C4orf50: variants seen among roughly 807,000 people sequenced by gnomAD.
C4orf50 encodes the protein uncharacterized protein C4orf50.
A neutral mutation model predicts 77.2 loss-of-function variants in C4orf50; 80 were observed. The ratio of observed to expected loss-of-function variants is 1.04; its 90% confidence interval spans 0.87 to 1.25. The LOEUF (loss-of-function observed/expected upper bound fraction) is 1.25, where lower values mean the gene tolerates loss of function less well. Ranked by LOEUF, C4orf50 falls within the 50% of genes most tolerant of loss-of-function variation. C4orf50 has a pLI of 0.00. For synonymous variants in C4orf50, 532 were observed against 465.3 expected, an observed-to-expected ratio of 1.14 and a Z score of -1.84; for missense variants, 1,257 against 1,152.9, an observed-to-expected ratio of 1.09 and a Z score of -1.31.
At chr4:5,902,555 G>A (rs959820942) in intron 7 of C4orf50, 1 of 152,188 alleles carries the variant, frequency 6.6e-6, no homozygotes, top group Non-Finnish European at 1.5e-5. Flanking sequence ...GCATCTGCTG[G>A]GTGCCAAGCC....
At chr4:5,944,351 G>A (rs1257928938) in intron 7 of C4orf50, among the ~76,000 whole-genome samples, 2 of 152,128 alleles carry the variant, frequency 1.3e-5, no homozygotes, top group African/African-American at 4.8e-5. Flanking sequence ...TCATGACTCT[G>A]TCTCATTCTC....
exon 34 of C4orf50, chr4:5,959,555 G>A (rs758170890): frequency 6.7e-5 from 108 of 1,614,072 alleles, no homozygotes; most frequent in Non-Finnish European, 3.4e-5. Flanking sequence ...GTTGTGCGGG[G>A]AGACCTGGTT....
chr4:6,005,051 C>A (rs1227162807), intron 25 of C4orf50, among the ~76,000 whole-genome samples: 1 of 152,136 alleles, frequency 6.6e-6, no homozygotes, highest in Non-Finnish European at 1.5e-5. Flanking sequence ...TAGGAACCTG[C>A]CTGAAAGCAT....
chr4:5,956,385 CT>C (rs1309632620), downstream of C4orf50, among the ~76,000 whole-genome samples: 1 of 152,234 alleles, frequency 6.6e-6, no homozygotes, highest in Non-Finnish European at 1.5e-5. Flanking sequence ...TCCACGGCCC[CT>C]GGGCCTTGTG....
At chr4:5,967,613 A>C in intron 31 of C4orf50, 151 bp from the exon 10 acceptor site, 1 of 660,474 alleles carries the variant, frequency 1.5e-6, no homozygotes, top group Non-Finnish European at 2.8e-6. Context: ...GTGCATGAAG[A>C]CCTCCCTCCT....
At chr4:5,959,449 A>C (rs1199194561) in exon 34 of C4orf50, 2 of 1,614,204 alleles carry the variant, frequency 1.2e-6, no homozygotes, top group East Asian at 2.2e-5. Context: ...TCTTGGTGAA[A>C]AGCCAGGATC....
intron 7 of C4orf50, among the ~76,000 whole-genome samples, chr4:5,910,426 C>T (rs1260901930): frequency 6.6e-6 from 1 of 152,148 alleles, no homozygotes; most frequent in African/African-American, 2.4e-5. Flanking sequence ...CATCTGGTCA[C>T]TAATTTTTAT....
In C4orf50 at chr4:5,907,233, T is replaced by C. The variant is rs557254679; in HGVS notation, c.*2475-9045A>G. Among the ~76,000 whole-genome samples, 4 of 152,344 alleles carry C rather than the reference T, an allele frequency of 2.6e-5. No homozygotes were observed. In the South Asian group the frequency reaches 8.3e-4, roughly 32 times the overall value. Reference sequence around the variant, plus strand: ...TCCCTACATTATACATGATAACATATAGATACTGCATTCACCAATAAGTTA... The same window carrying C: ...TCCCTACATTATACATGATAACATACAGATACTGCATTCACCAATAAGTTA... On this transcript the variant is annotated intron_variant, in intron 7 of 7. Coordinates refer to the C4orf50 transcript ENST00000324058.
rs772591090 is a variant in C4orf50 at position 5,900,678 on chromosome 4, G to A, written c.*2475-2490C>T. The A allele has an allele frequency of 3.9e-5, 6 of 152,230 alleles. No homozygotes were observed. The highest frequency in any genetic ancestry group is 8.8e-5 in the Non-Finnish European group (6 of 68,030). The allele number at this position is 152,230 out of a possible 1,614,324, so 9.4% of individuals were successfully genotyped here. On this transcript the variant is annotated intron_variant, in intron 7 of 7. Transcript: ENST00000324058. The surrounding 1 kb of genome is among the most constrained non-coding windows in gnomAD (Gnocchi z 4.3). ...TACTGCATAATGACATCCGAACCACGTTCAGTCCCATTTGCAGTCAAGTGG... is the reference window on the plus strand; with the variant it reads ...TACTGCATAATGACATCCGAACCACATTCAGTCCCATTTGCAGTCAAGTGG...
intron 7 of C4orf50, among the ~76,000 whole-genome samples, chr4:5,941,716 C>T (rs1275505244): frequency 1.3e-5 from 2 of 152,180 alleles, no homozygotes; most frequent in Non-Finnish European, 2.9e-5. Flanking sequence ...TCCTATTTTC[C>T]TCACTGCAGC....
At chr4:5,968,538 A>G (rs557119395) in intron 31 of C4orf50, among the ~76,000 whole-genome samples, 1 of 152,242 alleles carries the variant, frequency 6.6e-6, no homozygotes, top group South Asian at 2.1e-4. Context: ...TGTGTCTTCA[A>G]GTACCCTGGA....
At chr4:6,010,950 T>A (rs1722471542) in intron 24 of C4orf50, among the ~76,000 whole-genome samples, 1 of 152,218 alleles carries the variant, frequency 6.6e-6, no homozygotes, top group Non-Finnish European at 1.5e-5. Flanking sequence ...TCATTCCCAC[T>A]TCACAGATGA....
rs1253211543 is a variant in C4orf50 at position 5,932,696 on chromosome 4, C to T, written c.*2474+24205G>A. Among the ~76,000 whole-genome samples the T allele has an allele frequency of 6.6e-6, 1 of 152,180 alleles. No homozygotes were observed. Among genetic ancestry groups the T allele is most frequent in the African/African-American group, 2.4e-5 (1 of 41,444 alleles). The stretch of plus-strand genomic sequence containing the variant: ...GGCTCAGGCAATTCTCTTACCTCAG[C>T]CTCCCAAAGTGCTGAGATAACAGGT... On this transcript the variant is annotated intron_variant, in intron 7 of 7. Coordinates refer to the C4orf50 transcript ENST00000324058. The surrounding 1 kb of genome is among the most constrained non-coding windows in gnomAD (Gnocchi z 4.2).
At chr4:6,010,764 T>A (rs533706724) in intron 24 of C4orf50, among the ~76,000 whole-genome samples, 1 of 152,352 alleles carries the variant, frequency 6.6e-6, no homozygotes, top group Admixed American at 6.5e-5. Flanking sequence ...GGGTTTTGCC[T>A]CTGCAGCCTT....
At chr4:5,978,803 T>C (rs1720417746) in intron 29 of C4orf50, among the ~76,000 whole-genome samples, 3 of 152,218 alleles carry the variant, frequency 2.0e-5, no homozygotes, top group African/African-American at 4.8e-5. Context: ...GATGCAACAA[T>C]TGGGGAATAG....
At position 5,970,772 on chromosome 4, in the gene C4orf50, T is replaced by A. The variant is rs1397933636; in HGVS notation, c.4104+2887A>T. 6.6e-6 allele frequency among the ~76,000 whole-genome samples: 1 copy of A among 152,160 alleles called. No individual in the cohort carries two copies. Among genetic ancestry groups the A allele is most frequent in the Non-Finnish European group, 1.5e-5 (1 of 68,018 alleles). On this transcript the variant is annotated intron_variant, in intron 31 of 33. Coordinates refer to ENST00000531445, the Ensembl canonical transcript of C4orf50. The surrounding 1 kb of genome is among the most constrained non-coding windows in gnomAD (Gnocchi z 4.3). The stretch of plus-strand genomic sequence containing the variant: ...CTCCTCCTGAAAGGGTAGAGCTTAG[T>A]GGCCTCAGCCCAAGGCCCAGCCCCC...
intron 7 of C4orf50, among the ~76,000 whole-genome samples, chr4:5,915,923 T>G (rs1717010814): frequency 6.6e-6 from 1 of 152,226 alleles, no homozygotes; most frequent in Non-Finnish European, 1.5e-5. Context: ...GGAAGTACAC[T>G]GTACCTAGAA....
chr4:5,917,976 C>G (rs974618766), intron 7 of C4orf50, among the ~76,000 whole-genome samples: 2 of 152,092 alleles, frequency 1.3e-5, no homozygotes, highest in Admixed American at 6.5e-5. Flanking sequence ...CGGGGACTGG[C>G]CCGACGCAAA....
intron 23 of C4orf50, among the ~76,000 whole-genome samples, chr4:6,012,483 A>G (rs1578001900): frequency 6.6e-6 from 1 of 152,186 alleles, no homozygotes; most frequent in African/African-American, 2.4e-5. Flanking sequence ...TTTTAGCTAC[A>G]TTCTTATAAA....
Sources: gnomAD v4.1 joint callset for allele counts (sites outside exome capture counted in the v4.1 genomes callset) on GRCh38, gnomAD v4.1.1 for gene constraint, Gnocchi (gnomAD v3.1) non-coding constraint, MANE v1.5 for transcripts, NCBI Gene and HGNC (gene_info 2026-07-23, HGNC 2026-07-21) for gene names.